The following JAK1 variants were observed in gnomAD, a reference collection of about 807,000 sequenced individuals.
JAK1 encodes the protein tyrosine-protein kinase JAK1.
A neutral mutation model predicts 136.6 loss-of-function variants in JAK1; 16 were observed. That is an observed-to-expected ratio of 0.12 (90% CI 0.08 to 0.18). The LOEUF (loss-of-function observed/expected upper bound fraction) is 0.18. Among genes scored for constraint, JAK1 ranks in the 10% least tolerant of loss-of-function variants. The pLI, the probability that JAK1 is intolerant of heterozygous loss-of-function variation, is 1.00. For synonymous variants in JAK1, 492 were observed against 519.5 expected (o/e 0.95, Z 0.72); for missense variants, 859 against 1,450.1 (o/e 0.59, Z 6.62).
chr1:64,850,966 C>CGTTGGCTGTCTGAG, intron 11 of JAK1, 56 bp from the exon 12 acceptor site: 1 of 1,204,758 alleles, frequency 8.3e-7, no homozygotes, highest in Non-Finnish European at 1.2e-6. Context: ...AGCTCTCAGA[C>CGTTGGCTGTCTGAG]AGCCAACGTC....
chr1:64,880,198 T>A (rs1405667511), intron 3 of JAK1, among the ~76,000 whole-genome samples: 1 of 152,174 alleles, frequency 6.6e-6, no homozygotes, highest in African/African-American at 2.4e-5. Flanking sequence ...TTGGCAGCTA[T>A]CTAGTGCTCT....
intron 11 of JAK1, among the ~76,000 whole-genome samples, chr1:64,851,643 G>C (rs1655603468): frequency 6.6e-6 from 1 of 152,090 alleles, no homozygotes; most frequent in Admixed American, 6.5e-5. Flanking sequence ...CAAAATCCTC[G>C]AGGCCAGGAA....
At chr1:65,054,903 T>C (rs371350988) in intron 1 of JAK1, among the ~76,000 whole-genome samples, 26 of 152,354 alleles carry the variant, frequency 1.7e-4, no homozygotes, top group African/African-American at 6.3e-4. Flanking sequence ...TACATTTTAA[T>C]TGCTTACTTG....
At chr1:64,841,103 C>T (rs1359701588) in intron 19 of JAK1, 142 bp downstream of exon 19, 12 of 645,096 alleles carry the variant, frequency 1.9e-5, no homozygotes, top group Non-Finnish European at 2.7e-6. Flanking sequence ...TGAAAGTGGC[C>T]CCCAAATGCA....
intron 2 of JAK1, among the ~76,000 whole-genome samples, chr1:65,027,276 A>G (rs1646986468): frequency 6.6e-6 from 1 of 151,790 alleles, no homozygotes; most frequent in Admixed American, 6.6e-5. Context: ...CATGTTGGCC[A>G]GGCTGACCTC....
chr1:65,055,619 C>T (rs964517263), intron 1 of JAK1, among the ~76,000 whole-genome samples: 4 of 152,162 alleles, frequency 2.6e-5, no homozygotes, highest in African/African-American at 9.7e-5. Flanking sequence ...ACCAACCAAA[C>T]ACACACTGTG....
At chr1:65,005,866 A>G (rs1288999084) in intron 2 of JAK1, among the ~76,000 whole-genome samples, 1 of 152,192 alleles carries the variant, frequency 6.6e-6, no homozygotes, top group Non-Finnish European at 1.5e-5. Context: ...TTGCAGAAGA[A>G]TAAGTTATAA....
intron 1 of JAK1, among the ~76,000 whole-genome samples, chr1:65,048,087 C>T (rs1423953654): frequency 6.6e-6 from 1 of 152,052 alleles, no homozygotes; most frequent in Non-Finnish European, 1.5e-5. Flanking sequence ...AGGAGTAGAT[C>T]CTGATGTTGT....
chr1:64,889,788 A>G (rs1167564885), intron 1 of JAK1, among the ~76,000 whole-genome samples: 2 of 152,238 alleles, frequency 1.3e-5, no homozygotes, highest in Non-Finnish European at 2.9e-5. Context: ...GGAAGAACAC[A>G]CATTTTGGAT....
At chr1:64,867,527 C>T (rs1308318530) in intron 6 of JAK1, among the ~76,000 whole-genome samples, 2 of 151,854 alleles carry the variant, frequency 1.3e-5, no homozygotes, top group African/African-American at 2.4e-5. Flanking sequence ...TTCTTGTGCA[C>T]ATTAGTACTC....
At chr1:64,926,847 A>G (rs1444519673) in intron 1 of JAK1, among the ~76,000 whole-genome samples, 1 of 152,148 alleles carries the variant, frequency 6.6e-6, no homozygotes, top group Non-Finnish European at 1.5e-5. Flanking sequence ...CAATTTCTTC[A>G]TCTGTAAAAC....
intron 1 of JAK1, among the ~76,000 whole-genome samples, chr1:65,055,061 G>A (rs1647470982): frequency 6.6e-6 from 1 of 152,132 alleles, no homozygotes; most frequent in Non-Finnish European, 1.5e-5. Flanking sequence ...TGTACATTGT[G>A]TCATTAAGCA....
In JAK1 at chr1:64,893,383, C is replaced by A. The variant is rs571876378; in HGVS notation, c.-77-7042G>T. ...GAGCAAGCCTCTTAACCTCTCTGAGCTCAAACCCTGCATAATGAAAAAGTA... is the reference window on the plus strand; with the variant it reads ...GAGCAAGCCTCTTAACCTCTCTGAGATCAAACCCTGCATAATGAAAAAGTA... On this transcript the variant is annotated intron_variant, in intron 1 of 24. Coordinates refer to ENST00000342505, the MANE Select transcript of JAK1 (RefSeq NM_002227.4). Among the ~76,000 whole-genome samples the A allele has an allele frequency of 3.9e-5, 6 of 151,944 alleles. No individual in the cohort carries two copies. In the East Asian group the frequency reaches 1.2e-3, roughly 29 times the overall value.
intron 2 of JAK1, among the ~76,000 whole-genome samples, chr1:65,035,997 G>A (rs537585336): frequency 1.3e-5 from 2 of 152,276 alleles, no homozygotes; most frequent in South Asian, 2.1e-4. Context: ...GAACCCGGGA[G>A]GTAGAAGTTG....
chr1:64,857,606 T>C (rs771050016), intron 10 of JAK1, 50 bp downstream of exon 10: 2 of 1,609,766 alleles, frequency 1.2e-6, no homozygotes, highest in Non-Finnish European at 1.7e-6. Flanking sequence ...CAGGCTACAC[T>C]GGACACCTCA....
chr1:64,950,635 T>C (rs987223980), intron 1 of JAK1, among the ~76,000 whole-genome samples: 2 of 152,140 alleles, frequency 1.3e-5, no homozygotes, highest in African/African-American at 4.8e-5. Context: ...ATCTCTCTTC[T>C]CTCATAAGAC....
intron 1 of JAK1, among the ~76,000 whole-genome samples, chr1:64,891,525 A>C (rs2101361831): frequency 6.6e-6 from 1 of 152,348 alleles, no homozygotes; most frequent in South Asian, 2.1e-4. Context: ...CACCACTGCC[A>C]CAGTGTGAGA....
At chr1:64,903,655 T>C (rs1281667480) in intron 1 of JAK1, among the ~76,000 whole-genome samples, 1 of 152,202 alleles carries the variant, frequency 6.6e-6, no homozygotes, top group Non-Finnish European at 1.5e-5. Flanking sequence ...CTTAGCTCTT[T>C]TATCTACTAA....
chr1:64,963,859 G>A (rs1418375435), intron 1 of JAK1, among the ~76,000 whole-genome samples: 1 of 152,004 alleles, frequency 6.6e-6, no homozygotes, highest in Non-Finnish European at 1.5e-5. Flanking sequence ...TTGGGATGGG[G>A]GGCTGTCTTG....
Sources: gnomAD v4.1 joint callset for allele counts (sites outside exome capture counted in the v4.1 genomes callset) on GRCh38, gnomAD v4.1.1 for gene constraint, MANE v1.5 for transcripts, NCBI Gene and HGNC (gene_info 2026-07-23, HGNC 2026-07-21) for gene names.